PRKRA: variants seen among roughly 807,000 people sequenced by gnomAD.
PRKRA encodes the protein protein activator of interferon induced protein kinase EIF2AK2.
A neutral mutation model predicts 32.4 loss-of-function variants in PRKRA; 22 were observed. The observed-to-expected ratio is 0.68, with a 90% CI of 0.49 to 0.97. PRKRA has a LOEUF of 0.97. PRKRA is among the 50% of genes least tolerant of loss of function. The probability of loss-of-function intolerance (pLI) is 0.00; values close to 1 mark genes in which losing one functional copy is unlikely to be tolerated. For missense variants in PRKRA, 319 were observed against 375.6 expected, an observed-to-expected ratio of 0.85 and a Z score of 1.25; for synonymous variants, 139 against 129.8, an observed-to-expected ratio of 1.07 and a Z score of -0.48.
chr2:178,439,556 C>A (rs1697037612), intron 6 of PRKRA: 1 of 152,092 alleles, frequency 6.6e-6, no homozygotes, highest in African/African-American at 2.4e-5. Context: ...CAGTTAGTAA[C>A]CATTTTATCT....
chr2:178,449,459 C>G (rs1697454914), intron 2 of PRKRA, among the ~76,000 whole-genome samples: 1 of 152,130 alleles, frequency 6.6e-6, no homozygotes, highest in Non-Finnish European at 1.5e-5. Context: ...TGGCATTCTT[C>G]CAAATTAAAT....
intron 2 of PRKRA, among the ~76,000 whole-genome samples, chr2:178,447,812 A>G (rs1259471571): frequency 6.6e-6 from 1 of 152,226 alleles, no homozygotes; most frequent in Non-Finnish European, 1.5e-5. Flanking sequence ...TTAAAAAATA[A>G]CTTTTTAAAG....
chr2:178,438,989 T>C (rs2154124914), intron 6 of PRKRA: 1 of 152,370 alleles, frequency 6.6e-6, no homozygotes, highest in Admixed American at 6.5e-5. Flanking sequence ...GGCCAAACGC[T>C]GGTAGGTTTT....
chr2:178,439,763 G>C (rs1187830838), intron 6 of PRKRA: 1 of 151,908 alleles, frequency 6.6e-6, no homozygotes, highest in African/African-American at 2.4e-5. Flanking sequence ...TGATTGCTGA[G>C]TTTTATCAAA....
In PRKRA at chr2:178,451,031, G is replaced by A. The variant is rs774670427; in HGVS notation, c.-1C>T. On this transcript the variant is annotated 5_prime_UTR_variant, in exon 1 of 8. Transcript: ENST00000325748. ...CGGCGCGGTGCCTGCTCTGGGACAT[G>A]GCGAGAAGGGACGGCTCAGCGGCTG... 1 of 1,556,116 alleles carries A rather than the reference G, an allele frequency of 6.4e-7. No individual in the cohort carries two copies. Among genetic ancestry groups the A allele is most frequent in the African/African-American group, 1.4e-5 (1 of 71,224 alleles).
chr2:178,441,884 ATTCT>A (rs1183330829), intron 5 of PRKRA, among the ~76,000 whole-genome samples, 180 bp from the exon 6 acceptor site: 6 of 139,076 alleles, frequency 4.3e-5, no homozygotes, highest in African/African-American at 5.7e-5. Flanking sequence ...ATAGCTATTA[ATTCT>A]TTTTTTTTTT....
intron 6 of PRKRA, 48 bp from the exon 7 acceptor site, chr2:178,436,367 C>T (rs749865930): frequency 8.5e-7 from 1 of 1,177,452 alleles, no homozygotes; most frequent in Non-Finnish European, 1.1e-6. Flanking sequence ...GACTGGGTTC[C>T]AACACCCGTA....
chr2:178,444,544 C>G, intron 3 of PRKRA, 44 bp from the exon 4 acceptor site: 1 of 1,411,994 alleles, frequency 7.1e-7, no homozygotes, highest in South Asian at 1.2e-5. Flanking sequence ...TAATTTCCCC[C>G]GAATTATGAA....
rs1280528145 is a variant in PRKRA, at chr2:178,431,788, A to C, written c.*309T>G. On this transcript the variant is annotated 3_prime_UTR_variant, in exon 8 of 8. Transcript: ENST00000325748. ...AGCACCAGTAAGAAAGACTGTCGCT[A>C]GCATTTTTATTTCATCATCAACAAC... 3 of 400,670 alleles carry C rather than the reference A, an allele frequency of 7.5e-6. No homozygotes were observed. Among genetic ancestry groups the C allele is most frequent in the Non-Finnish European group, 1.4e-5 (3 of 215,962 alleles). The allele number at this position is 400,670 out of a possible 1,614,324, so 24.8% of individuals were successfully genotyped here.
chr2:178,437,751 A>G (rs984223209), intron 6 of PRKRA, among the ~76,000 whole-genome samples: 1 of 152,246 alleles, frequency 6.6e-6, no homozygotes, highest in African/African-American at 2.4e-5. Context: ...GTTTTTGCCA[A>G]TCTAAAAGGT....
Position 178,451,069 on chromosome 2 carries a change from T to G in PRKRA, c.-39A>C, listed in dbSNP as rs2154125664. The G allele has an allele frequency of 2.6e-6, 4 of 1,543,854 alleles. No homozygotes were observed. Among genetic ancestry groups the G allele is most frequent in the East Asian group, 4.9e-5 (2 of 40,774 alleles). On this transcript the variant is annotated 5_prime_UTR_variant, in exon 1 of 8. Transcript: ENST00000325748. ...GGCTCAGCGGCTGGAGGAAGAGCGG[T>G]GCGGAGCGACGTGCTCGCTCCCCGG... is the stretch of plus-strand genomic sequence containing the variant.
chr2:178,437,665 A>T (rs1696953830), intron 6 of PRKRA, among the ~76,000 whole-genome samples: 1 of 152,212 alleles, frequency 6.6e-6, no homozygotes, highest in Non-Finnish European at 1.5e-5. Context: ...GAACCAATTT[A>T]TACTCCTACC....
chr2:178,450,265 G>A lies in PRKRA; in HGVS notation c.212C>T (p.Thr71Ile). The change falls in exon 2 of 8, where the codon ACC becomes ATC. Residue 71 changes from threonine (T) to isoleucine (I), a missense_variant. Thr to Ile is a moderately conservative substitution (Grantham distance 89). Coordinates refer to ENST00000325748, the MANE Select transcript of PRKRA (RefSeq NM_003690.5). The part of the protein sequence containing the change: ...IHVPTFTFRV[T>I]VGDITCTGEG... ...ACCTGTGCAGGTTATGTCACCAACG[G>A]TTACTCTGAAGGTGAAAGTGGGCAC... The A allele has an allele frequency of 6.2e-7, 1 of 1,614,282 alleles. No homozygotes were observed. Among genetic ancestry groups the A allele is most frequent in the Non-Finnish European group, 8.5e-7 (1 of 1,180,050 alleles).
intron 3 of PRKRA, among the ~76,000 whole-genome samples, chr2:178,445,050 G>GT (rs34109663): frequency 6.6e-6 from 1 of 152,194 alleles, no homozygotes; most frequent in Non-Finnish European, 1.5e-5. Flanking sequence ...TGTAAATACT[G>GT]TTTTTTCATC....
intron 7 of PRKRA, among the ~76,000 whole-genome samples, chr2:178,434,994 G>T (rs1174251022): frequency 6.6e-6 from 1 of 151,564 alleles, no homozygotes. Context: ...CGAGGTGGGT[G>T]GATCATGAGG....
chr2:178,443,088 C>CT (rs1316047412), intron 5 of PRKRA, among the ~76,000 whole-genome samples, 179 bp downstream of exon 5: 1 of 152,138 alleles, frequency 6.6e-6, no homozygotes, highest in Non-Finnish European at 1.5e-5. Flanking sequence ...ATTAAGAAGA[C>CT]TAAGTATCTT....
intron 4 of PRKRA, 129 bp from the exon 5 acceptor site, chr2:178,443,513 A>C: frequency 1.4e-6 from 1 of 692,172 alleles, no homozygotes; most frequent in Non-Finnish European, 2.6e-6. Flanking sequence ...CAACAGAAAA[A>C]AGAGGGAAGA....
At chr2:178,433,001 C>T (rs914813638) in intron 7 of PRKRA, among the ~76,000 whole-genome samples, 3 of 152,028 alleles carry the variant, frequency 2.0e-5, no homozygotes, top group Non-Finnish European at 2.9e-5. Context: ...GAAACGTGTG[C>T]GGTATGATTT....
At chr2:178,432,877 T>C (rs1377258024) in intron 7 of PRKRA, among the ~76,000 whole-genome samples, 3 of 152,220 alleles carry the variant, frequency 2.0e-5, no homozygotes, top group African/African-American at 7.2e-5. Context: ...ATACTGTAAA[T>C]GGGTCATGGT....
Sources: allele counts gnomAD v4.1 joint callset (sites outside exome capture counted in the v4.1 genomes callset), GRCh38; gene constraint gnomAD v4.1.1; transcripts MANE v1.5; gene names NCBI Gene and HGNC (gene_info 2026-07-23, HGNC 2026-07-21).